The following UST variants were observed in gnomAD, a reference collection of about 807,000 sequenced individuals.
The protein encoded by UST is uronyl 2-sulfotransferase, also known as chondroitin sulfate 2-O-sulfotransferase.
In UST, 21 loss-of-function variants were observed where a neutral mutation model predicts 45.6. The observed-to-expected ratio is 0.46, with a 90% CI of 0.33 to 0.66. The LOEUF (loss-of-function observed/expected upper bound fraction) is 0.66, where lower values mean the gene tolerates loss of function less well. UST is among the 30% of genes least tolerant of loss of function. The pLI is 0.02. For missense variants in UST, 463 were observed against 512.4 expected (o/e 0.90, Z 0.93); for synonymous variants, 215 against 200.6 (o/e 1.07, Z -0.61).
chr6:148,910,036 G>C (rs1779442761), intron 2 of UST, among the ~76,000 whole-genome samples: 1 of 149,934 alleles, frequency 6.7e-6, no homozygotes, highest in Non-Finnish European at 1.5e-5. Flanking sequence ...TTTGCTTCTT[G>C]TTATTGGAAC....
intron 7 of UST, among the ~76,000 whole-genome samples, chr6:149,044,872 A>T (rs1034302458): frequency 6.6e-6 from 1 of 152,236 alleles, no homozygotes; most frequent in African/African-American, 2.4e-5. Context: ...GGGGCAGGAA[A>T]CACTTGCAAA....
intron 7 of UST, among the ~76,000 whole-genome samples, chr6:149,038,445 G>A (rs1470006613): frequency 1.3e-5 from 2 of 151,526 alleles, no homozygotes; most frequent in Non-Finnish European, 2.9e-5. Context: ...CTGGAGTGAT[G>A]CTGTCACAAG....
At chr6:149,029,018 T>C (rs1208250094) in intron 7 of UST, among the ~76,000 whole-genome samples, 1 of 152,206 alleles carries the variant, frequency 6.6e-6, no homozygotes, top group African/African-American at 2.4e-5. Flanking sequence ...GTCCAGCAGG[T>C]GGCGATGTCT....
intron 7 of UST, among the ~76,000 whole-genome samples, chr6:149,035,090 G>A (rs1776222221): frequency 6.6e-6 from 1 of 151,976 alleles, no homozygotes; most frequent in Non-Finnish European, 1.5e-5. Context: ...TCAGATACTT[G>A]AACCTCTAGA....
Position 149,022,666 on chromosome 6 carries a change from C to T in UST, c.937+1185C>T, listed in dbSNP as rs545796788. Among the ~76,000 whole-genome samples the T allele has an allele frequency of 2.3e-4, 35 of 152,340 alleles. 1 individual carries two copies. The South Asian group carries it at 7.2e-3, about 32-fold the overall frequency. On this transcript the variant is annotated intron_variant, in intron 7 of 7. Transcript: ENST00000367463. ...GCTCCCCAAATGCAGTCTGCTGCCT[C>T]ACATTCCACAGGGTTCCCGAACCCC...
chr6:148,823,427 T>C (rs1023914484), intron 1 of UST, among the ~76,000 whole-genome samples: 2 of 152,216 alleles, frequency 1.3e-5, no homozygotes, highest in African/African-American at 2.4e-5. Flanking sequence ...AATAGTAATC[T>C]GATTGCCTCC....
intron 1 of UST, among the ~76,000 whole-genome samples, chr6:148,814,236 G>T (rs1488937148): frequency 1.3e-5 from 2 of 152,278 alleles, no homozygotes; most frequent in Middle Eastern, 3.4e-3. Flanking sequence ...GGAGTGTGTG[G>T]GGAGGAGCTG....
chr6:149,059,584 A>G (rs1776622303), intron 7 of UST, among the ~76,000 whole-genome samples: 2 of 152,250 alleles, frequency 1.3e-5, no homozygotes, highest in Admixed American at 1.3e-4. Flanking sequence ...TACTCCTTCT[A>G]GAAGAAAGAG....
chr6:148,891,285 G>A (rs927870758), intron 2 of UST, among the ~76,000 whole-genome samples: 1 of 152,046 alleles, frequency 6.6e-6, no homozygotes, highest in South Asian at 2.1e-4. Context: ...TGCAAGCAGC[G>A]GGCAGCAGCA....
intron 7 of UST, among the ~76,000 whole-genome samples, chr6:149,067,203 T>G (rs1776744478): frequency 1.3e-5 from 2 of 152,160 alleles, no homozygotes; most frequent in African/African-American, 2.4e-5. Flanking sequence ...GAGTGTGGTG[T>G]TTAATCTTCA....
intron 7 of UST, chr6:149,032,480 C>G (rs1776163246): frequency 6.5e-6 from 1 of 153,582 alleles, no homozygotes; most frequent in Non-Finnish European, 1.4e-5. Context: ...TGCTTGACCA[C>G]CTATGTTCCC....
At chr6:148,907,074 T>C (rs569300234) in intron 2 of UST, among the ~76,000 whole-genome samples, 1 of 152,292 alleles carries the variant, frequency 6.6e-6, no homozygotes, top group East Asian at 1.9e-4. Context: ...ATTTATTTTA[T>C]TACGGTAAGA....
At chr6:149,067,702 G>A (rs942302978) in intron 7 of UST, among the ~76,000 whole-genome samples, 4 of 152,124 alleles carry the variant, frequency 2.6e-5, no homozygotes, top group Admixed American at 1.3e-4. Context: ...TCTCATTACT[G>A]TATAAAAGTT....
At chr6:148,960,456 C>G (rs1780630769) in intron 4 of UST, among the ~76,000 whole-genome samples, 2 of 152,304 alleles carry the variant, frequency 1.3e-5, no homozygotes, top group South Asian at 4.1e-4. Context: ...TACTTTTCAC[C>G]CTTTAATGTA....
chr6:148,800,774 ATTTTTTT>A (rs35096958), intron 1 of UST, among the ~76,000 whole-genome samples: 17 of 116,940 alleles, frequency 1.5e-4, no homozygotes, highest in African/African-American at 3.4e-4. Context: ...TTCAGATCAG[ATTTTTTT>A]TTTTTTTTTT....
At chr6:148,932,426 T>C (rs1779938941) in intron 2 of UST, among the ~76,000 whole-genome samples, 1 of 152,230 alleles carries the variant, frequency 6.6e-6, no homozygotes, top group Admixed American at 6.5e-5. Context: ...ATACCCAGTT[T>C]ATGGCTGCTT....
At position 148,779,244 on chromosome 6, in the gene UST, C is replaced by A. The variant is rs145008472; in HGVS notation, c.247+31567C>A. Reference sequence around the variant, plus strand: ...CTCCTTTTCAAGTGTGGATTTCAGACCCTTGTCATTCTATGGAGCAAATGA... The same window carrying A: ...CTCCTTTTCAAGTGTGGATTTCAGAACCTTGTCATTCTATGGAGCAAATGA... On this transcript the variant is annotated intron_variant, in intron 1 of 7. Transcript: ENST00000367463. Among the ~76,000 whole-genome samples the A allele has an allele frequency of 1.4e-4, 22 of 152,210 alleles. 1 individual carries two copies. The highest frequency in any genetic ancestry group is 4.8e-4 in the African/African-American group (20 of 41,516).
chr6:148,909,952 A>C (rs1408946400), intron 2 of UST, among the ~76,000 whole-genome samples: 1 of 152,154 alleles, frequency 6.6e-6, no homozygotes, highest in Non-Finnish European at 1.5e-5. Flanking sequence ...AGCAAAGCTT[A>C]CTGGGGAAAA....
chr6:148,840,080 G>T (rs1033519717), intron 1 of UST, among the ~76,000 whole-genome samples: 13 of 152,170 alleles, frequency 8.5e-5, no homozygotes, highest in Admixed American at 7.9e-4. Context: ...CAAACAGAGG[G>T]TATCTAATAC....
Sources: gnomAD v4.1 joint callset for allele counts (sites outside exome capture counted in the v4.1 genomes callset) on GRCh38, gnomAD v4.1.1 for gene constraint, MANE v1.5 for transcripts, NCBI Gene and HGNC (gene_info 2026-07-23, HGNC 2026-07-21) for gene names.